Variants in SLC4A5 observed in about 807,000 individuals in gnomAD.
SLC4A5 encodes solute carrier family 4 member 5.
SLC4A5 carries 96 observed loss-of-function variants against 120.4 expected under a neutral mutation model. The observed-to-expected ratio is 0.80, with a 90% CI of 0.68 to 0.94. The LOEUF (loss-of-function observed/expected upper bound fraction) is 0.94. Among genes scored for constraint, SLC4A5 ranks in the 40% least tolerant of loss-of-function variants. The pLI, the probability that SLC4A5 is intolerant of heterozygous loss-of-function variation, is 0.00. For missense variants in SLC4A5, 1,259 were observed against 1,459.5 expected (o/e 0.86, Z 2.24); for synonymous variants, 550 against 571.1 (o/e 0.96, Z 0.53).
intron 16 of SLC4A5, 114 bp from the exon 17 acceptor site, chr2:74,250,631 G>T: frequency 7.9e-7 from 1 of 1,268,512 alleles, no homozygotes; most frequent in Non-Finnish European, 1.1e-6. Flanking sequence ...GACCAGGGTG[G>T]ATGGGGCAAA....
At position 74,263,228 on chromosome 2, in the gene SLC4A5, T is replaced by TGCCATGGGGTTTAA. The variant is rs560798052; in HGVS notation, c.715+905_715+918dup. Among the ~76,000 whole-genome samples, 7 of 152,262 alleles carry TGCCATGGGGTTTAA rather than the reference T, an allele frequency of 4.6e-5. No individual in the cohort carries two copies. The South Asian group carries it at 1.2e-3, about 27-fold the overall frequency. Reference sequence around the variant, plus strand: ...CTAATTTTTTGTAAGGCGGGGTTTATGCCATGGGGTTTAAGCCATGAGGTT... The same window carrying TGCCATGGGGTTTAA: ...CTAATTTTTTGTAAGGCGGGGTTTATGCCATGGGGTTTAAGCCATGGGGTTTAAGCCATGAGGTT... On this transcript the variant is annotated intron_variant, in intron 10 of 30. Transcript: ENST00000394019.
chr2:74,255,935 G>A lies in SLC4A5; in HGVS notation c.868-3C>T. ...TTCTTCATGAATTTGTTTTTCCGCTGGACAGGGAGGGGAAACGAGATAGCC... is the reference window on the plus strand; with the variant it reads ...TTCTTCATGAATTTGTTTTTCCGCTAGACAGGGAGGGGAAACGAGATAGCC... On this transcript the variant is annotated splice_polypyrimidine_tract_variant and splice_region_variant and intron_variant, in intron 12 of 30. Coordinates refer to ENST00000394019, the Ensembl canonical transcript of SLC4A5. This position sits in a 1 kb window ranked among gnomAD's most constrained non-coding sequence, Gnocchi z 4.0. 6.2e-7 allele frequency: 1 copy of A among 1,613,048 alleles called. No homozygotes were observed. Among genetic ancestry groups the A allele is most frequent in the Non-Finnish European group, 8.5e-7 (1 of 1,179,104 alleles).
At chr2:74,248,712 C>T (rs994966100) in intron 17 of SLC4A5, among the ~76,000 whole-genome samples, 2 of 152,232 alleles carry the variant, frequency 1.3e-5, no homozygotes, top group Non-Finnish European at 2.9e-5. Context: ...TACCATGTGA[C>T]TTCCTTCTGG....
At chr2:74,241,674 G>A (rs1020734122) in intron 20 of SLC4A5, among the ~76,000 whole-genome samples, 3 of 151,070 alleles carry the variant, frequency 2.0e-5, no homozygotes, top group Non-Finnish European at 4.4e-5. Context: ...CCTGGGAGAT[G>A]GAGGTTGCGG....
exon 19 of SLC4A5, chr2:74,247,065 T>C (rs1412768627): frequency 1.2e-6 from 2 of 1,614,048 alleles, no homozygotes; most frequent in South Asian, 1.1e-5. Flanking sequence ...CTCGCACTTG[T>C]AGGTAGTGAT....
At chr2:74,271,459 CAGACTATCCT>C (rs1436638381) in intron 8 of SLC4A5, among the ~76,000 whole-genome samples, 34 of 152,296 alleles carry the variant, frequency 2.2e-4, no homozygotes, top group African/African-American at 7.9e-4. Context: ...CTCTGTGCTC[CAGACTATCCT>C]AGGTAAAGTT....
intron 17 of SLC4A5, among the ~76,000 whole-genome samples, chr2:74,248,716 CT>C (rs1411771786): frequency 6.6e-6 from 1 of 152,206 alleles, no homozygotes; most frequent in Non-Finnish European, 1.5e-5. Flanking sequence ...ATGTGACTTC[CT>C]TCTGGCACCC....
chr2:74,223,998 A>G (rs867170254), intron 28 of SLC4A5, among the ~76,000 whole-genome samples: 3 of 152,240 alleles, frequency 2.0e-5, no homozygotes, highest in African/African-American at 7.2e-5. Flanking sequence ...CAAGCACAGC[A>G]TTAGGAGATG....
exon 16 of SLC4A5, chr2:74,252,374 G>A (rs111392973): frequency 5.0e-6 from 8 of 1,612,918 alleles, no homozygotes; most frequent in African/African-American, 1.3e-5. Flanking sequence ...CTCTGCTAGG[G>A]AGAACACAGA....
At chr2:74,286,987 A>T (rs921873080) in intron 7 of SLC4A5, among the ~76,000 whole-genome samples, 14 of 151,948 alleles carry the variant, frequency 9.2e-5, no homozygotes, top group African/African-American at 3.4e-4. Flanking sequence ...CAGGCTAGAC[A>T]CCCTGGAGTC....
intron 15 of SLC4A5, among the ~76,000 whole-genome samples, 157 bp downstream of exon 15, chr2:74,252,817 G>A (rs1010117882): frequency 1.3e-5 from 2 of 152,256 alleles, no homozygotes; most frequent in African/African-American, 4.8e-5. Flanking sequence ...CAAACTCCTG[G>A]GCTCAAGTGA....
intron 8 of SLC4A5, among the ~76,000 whole-genome samples, chr2:74,269,579 G>T (rs1671411332): frequency 1.3e-5 from 2 of 151,922 alleles, no homozygotes; most frequent in Admixed American, 1.3e-4. Context: ...TCTTCCTGAG[G>T]ATCGACCTCC....
intron 7 of SLC4A5, among the ~76,000 whole-genome samples, chr2:74,292,336 A>T (rs1309239457): frequency 4.6e-5 from 7 of 152,114 alleles, no homozygotes; most frequent in African/African-American, 7.2e-5. Context: ...TGCTCCTCCC[A>T]TGCTACCTCT....
chr2:74,307,428 C>T (rs574992145), intron 6 of SLC4A5: 104 of 633,454 alleles, frequency 1.6e-4, no homozygotes, highest in African/African-American at 1.6e-3. Flanking sequence ...CAGCTACAGC[C>T]GAGTGACACT....
intron 10 of SLC4A5, 83 bp downstream of exon 10, chr2:74,264,064 C>A: frequency 1.3e-6 from 2 of 1,506,572 alleles, no homozygotes; most frequent in Non-Finnish European, 1.8e-6. Flanking sequence ...AAACTCCCAG[C>A]CCCTAAGGTG....
At chr2:74,316,611 G>A (rs1456153496) in intron 5 of SLC4A5, among the ~76,000 whole-genome samples, 1 of 152,158 alleles carries the variant, frequency 6.6e-6, no homozygotes, top group African/African-American at 2.4e-5. Context: ...CTAAAGCCAG[G>A]CCAGGCAAGG....
intron 19 of SLC4A5, among the ~76,000 whole-genome samples, chr2:74,243,155 C>G (rs1443957412): frequency 6.6e-6 from 1 of 152,222 alleles, no homozygotes; most frequent in East Asian, 1.9e-4. Flanking sequence ...CTCAGTGTCC[C>G]TAACTGCATG....
chr2:74,286,395 C>A (rs1671983986), intron 7 of SLC4A5, among the ~76,000 whole-genome samples: 1 of 152,220 alleles, frequency 6.6e-6, no homozygotes, highest in Non-Finnish European at 1.5e-5. Flanking sequence ...CAGTCCATTT[C>A]CTGAGGCCCC....
intron 8 of SLC4A5, among the ~76,000 whole-genome samples, chr2:74,268,386 C>T (rs1372549851): frequency 2.0e-5 from 3 of 152,170 alleles, no homozygotes; most frequent in African/African-American, 7.2e-5. Context: ...ACATTAATGG[C>T]ACCACAAGGA....
Sources: allele counts gnomAD v4.1 joint callset (sites outside exome capture counted in the v4.1 genomes callset), GRCh38; gene constraint gnomAD v4.1.1; non-coding constraint Gnocchi (gnomAD v3.1); transcripts MANE v1.5; gene names NCBI Gene and HGNC (gene_info 2026-07-23, HGNC 2026-07-21).